Variants in PALD1 observed in about 807,000 individuals in gnomAD.
The protein encoded by PALD1 is paladin.
A neutral mutation model predicts 96.0 loss-of-function variants in PALD1; 57 were observed. The ratio of observed to expected loss-of-function variants is 0.59; its 90% CI spans 0.48 to 0.74. The LOEUF (loss-of-function observed/expected upper bound fraction) is 0.74, where lower values mean the gene tolerates loss of function less well. Among genes scored for constraint, PALD1 ranks in the 30% least tolerant of loss-of-function variants. The pLI, the probability that PALD1 is intolerant of heterozygous loss-of-function variation, is 0.00. For synonymous variants in PALD1, 464 were observed against 473.6 expected (o/e 0.98, Z 0.26); for missense variants, 1,063 against 1,143.7 (o/e 0.93, Z 1.02).
intron 1 of PALD1, among the ~76,000 whole-genome samples, chr10:70,518,223 T>C (rs762906221): frequency 2.6e-5 from 4 of 152,228 alleles, no homozygotes; most frequent in Non-Finnish European, 5.9e-5. Flanking sequence ...TATTATGGTG[T>C]GGACCTATCA....
chr10:70,498,242 G>A (rs1846228634), intron 1 of PALD1, among the ~76,000 whole-genome samples: 1 of 152,160 alleles, frequency 6.6e-6, no homozygotes, highest in South Asian at 2.1e-4. Context: ...TGTAGCATGT[G>A]TCAGAATTCA....
At chr10:70,525,614 G>A (rs145944391) in intron 1 of PALD1, among the ~76,000 whole-genome samples, 1 of 152,058 alleles carries the variant, frequency 6.6e-6, no homozygotes, top group South Asian at 2.1e-4. Flanking sequence ...CTGACCTGCT[G>A]TGGATGATTC....
In PALD1 at chr10:70,479,036, CCCCCCGGAGCCGCGG is replaced by C. The variant is rs1460369956; in HGVS notation, c.-52_-38del. ...CACGCCGGCCGCAGGAGCACGGATG[CCCCCCGGAGCCGCGG>C]GCTGGCAGGTACCGAAGTGTCCTGC... is the stretch of plus-strand genomic sequence containing the variant. On this transcript the variant is annotated 5_prime_UTR_variant, in exon 1 of 20. Coordinates refer to ENST00000263563, the MANE Select transcript of PALD1 (RefSeq NM_014431.3). The C allele has an allele frequency of 6.6e-6, 1 of 152,090 alleles. No individual in the cohort carries two copies. The highest frequency in any genetic ancestry group is 2.4e-5 in the African/African-American group (1 of 41,438). 9.4% of individuals were successfully genotyped at this position (152,090 alleles called of 1,614,324 possible).
Position 70,532,636 on chromosome 10 carries a change from C to T in PALD1, c.649C>T (p.Gln217Ter), listed in dbSNP as rs1350029355. ...CTCCCTCTAGATCCACGACTTTGCC[C>T]AGCTGAGCGAGAACACATACCATGT... ...AIRKEIHDFA[Q>*]LSENTYHVYH... Residue 217 changes from glutamine to a stop codon, truncating the protein, a stop_gained, in exon 6 of 20, where the codon CAG becomes TAG. Transcript: ENST00000263563. LOFTEE classifies it high-confidence loss of function. 6.2e-7 allele frequency: 1 copy of T among 1,614,136 alleles called. No homozygotes were observed.
At chr10:70,533,347 A>G (rs888877594) in intron 7 of PALD1, among the ~76,000 whole-genome samples, 2 of 150,948 alleles carry the variant, frequency 1.3e-5, no homozygotes, top group South Asian at 4.2e-4. Context: ...GTGGGGATAC[A>G]TGTGTTTCTG....
rs1021499812 is a variant in PALD1, at chr10:70,540,459, C to G, written c.1909-643C>G. 4.0e-5 allele frequency among the ~76,000 whole-genome samples: 6 copies of G among 151,452 alleles called. No homozygotes were observed. The highest frequency in any genetic ancestry group is 1.5e-4 in the African/African-American group (6 of 41,128). On this transcript the variant is annotated intron_variant, in intron 15 of 19. Coordinates refer to ENST00000263563, the MANE Select transcript of PALD1 (RefSeq NM_014431.3). This position sits in a 1 kb window ranked among gnomAD's most constrained non-coding sequence, Gnocchi z 4.2. ...TCTGTAGGTCTGTGACTGTGGGTGT[C>G]TGTATAGTGTGTGTGTTTACCGGAC...
chr10:70,500,468 CTTAA>C (rs1249126252), intron 1 of PALD1, among the ~76,000 whole-genome samples: 2 of 152,206 alleles, frequency 1.3e-5, no homozygotes, highest in Non-Finnish European at 2.9e-5. Flanking sequence ...TCACAAGCAC[CTTAA>C]TTCTTCCCAC....
upstream of PALD1, among the ~76,000 whole-genome samples, chr10:70,474,722 C>T (rs759472362): frequency 5.3e-5 from 8 of 152,140 alleles, no homozygotes; most frequent in Admixed American, 2.0e-4. Flanking sequence ...ATTTGGGAGT[C>T]GGGGGACGTA....
intron 1 of PALD1, among the ~76,000 whole-genome samples, chr10:70,483,395 C>A (rs532533044): frequency 2.0e-4 from 30 of 152,190 alleles, no homozygotes; most frequent in Non-Finnish European, 3.8e-4. Context: ...GTCATCTGCA[C>A]ACCCATGGAA....
intron 17 of PALD1, among the ~76,000 whole-genome samples, chr10:70,545,534 A>G (rs962696183): frequency 6.6e-6 from 1 of 152,086 alleles, no homozygotes; most frequent in Non-Finnish European, 1.5e-5. Context: ...GGGAAAAGCC[A>G]TAGAGTAACC....
At chr10:70,516,766 C>T (rs193028831) in intron 1 of PALD1, among the ~76,000 whole-genome samples, 101 of 151,966 alleles carry the variant, frequency 6.6e-4, no homozygotes, top group African/African-American at 2.4e-3. Flanking sequence ...TCTGTGTTGC[C>T]CAGGCTGGTC....
intron 1 of PALD1, among the ~76,000 whole-genome samples, chr10:70,518,629 A>T (rs1258897650): frequency 6.6e-6 from 1 of 152,162 alleles, no homozygotes; most frequent in Non-Finnish European, 1.5e-5. Flanking sequence ...TTTACATTTT[A>T]AAAAAATTGA....
In PALD1 at chr10:70,564,435, T is replaced by C. The variant is rs771419930; in HGVS notation, c.2334T>C (p.Tyr778=). 3.8e-5 allele frequency: 61 copies of C among 1,613,996 alleles called. No individual in the cohort carries two copies. The Admixed American group carries it at 9.8e-4, about 26-fold the overall frequency. Residue 778 remains tyrosine, a synonymous_variant, in exon 19 of 20, where the codon TAT becomes TAC. Transcript: ENST00000263563. ...QLRSLQYLER[Y]VCLILFNAYL... ...GGAGCCTGCAGTACTTGGAGCGCTA[T>C]GTCTGCCTGATTCTCTTCAACGCGT...
At chr10:70,549,046 C>CAA (rs71472976) in intron 18 of PALD1, among the ~76,000 whole-genome samples, 1,858 of 74,406 alleles carry the variant, frequency 0.025, 33 homozygotes, top group Non-Finnish European at 0.033. Context: ...TTGTCTCTAC[C>CAA]AAAAAAAAAA....
intron 11 of PALD1, 31 bp downstream of exon 11, chr10:70,537,937 C>T: frequency 1.4e-6 from 2 of 1,442,910 alleles, no homozygotes; most frequent in Non-Finnish European, 2.0e-6. Flanking sequence ...ACCCACGTCC[C>T]CTCCTCCTGG....
At chr10:70,459,893 C>T in the PALD1 span, among the ~76,000 whole-genome samples, 2 of 152,290 alleles carry the variant, frequency 1.3e-5, no homozygotes, top group Admixed American at 1.3e-4. Flanking sequence ...CTCCAGCTGC[C>T]GCACCTTCTC....
At chr10:70,467,762 A>C in the PALD1 span, among the ~76,000 whole-genome samples, 3 of 152,158 alleles carry the variant, frequency 2.0e-5, no homozygotes, top group Admixed American at 2.0e-4. Flanking sequence ...ATTCTGACAC[A>C]GTAGCCAGCA....
At chr10:70,468,702 C>CTGTGTGTGTGTGTG in the PALD1 span, among the ~76,000 whole-genome samples, 158 of 123,884 alleles carry the variant, frequency 1.3e-3, no homozygotes, top group Middle Eastern at 3.8e-3. Flanking sequence ...TGAGGCAGGA[C>CTGTGTGTGTGTGTG]TGTGTGTGTG....
At chr10:70,462,836 G>A in the PALD1 span, among the ~76,000 whole-genome samples, 1 of 152,148 alleles carries the variant, frequency 6.6e-6, no homozygotes, top group African/African-American at 2.4e-5. Flanking sequence ...GTGGCTTGCT[G>A]CCAAGGCACA....
Sources: gnomAD v4.1 joint callset for allele counts (sites outside exome capture counted in the v4.1 genomes callset) on GRCh38, gnomAD v4.1.1 for gene constraint, Gnocchi (gnomAD v3.1) non-coding constraint, MANE v1.5 for transcripts, NCBI Gene and HGNC (gene_info 2026-07-23, HGNC 2026-07-21) for gene names.